VPS13B: variants seen among roughly 807,000 people sequenced by gnomAD.
VPS13B encodes the protein vacuolar protein sorting 13 homolog B, also known as intermembrane lipid transfer protein VPS13B.
Under a neutral mutation model 426.4 loss-of-function variants are expected in VPS13B, and 285 were observed. That is an observed-to-expected ratio of 0.67 (90% CI 0.61 to 0.74). The LOEUF (loss-of-function observed/expected upper bound fraction) is 0.74, where lower values mean the gene tolerates loss of function less well. Ranked by LOEUF, VPS13B falls within the 30% of genes least tolerant of loss-of-function variation. VPS13B has a pLI of 0.00. For synonymous variants in VPS13B, 1,676 were observed against 1,676.4 expected (o/e 1.00, Z 0.01); for missense variants, 4,537 against 4,782.6 (o/e 0.95, Z 1.51).
chr8:99,650,849 AG>A (rs1173741940), intron 34 of VPS13B, among the ~76,000 whole-genome samples: 1 of 152,224 alleles, frequency 6.6e-6, no homozygotes, highest in Non-Finnish European at 1.5e-5. Flanking sequence ...AACCAACCAT[AG>A]ATCAAAAGTA....
chr8:99,271,199 ACTACT>A (rs1818576395), intron 17 of VPS13B, among the ~76,000 whole-genome samples: 2 of 24,902 alleles, frequency 8.0e-5, no homozygotes, highest in Non-Finnish European at 1.2e-4. Flanking sequence ...ACCACTAACT[ACTACT>A]ACTACTACTA....
intron 12 of VPS13B, among the ~76,000 whole-genome samples, 194 bp from the exon 13 acceptor site, chr8:99,142,780 T>C (rs562482432): frequency 1.3e-5 from 2 of 152,358 alleles, no homozygotes; most frequent in East Asian, 3.9e-4. Context: ...TAAATTTTAA[T>C]GAATTGCTTT....
intron 23 of VPS13B, among the ~76,000 whole-genome samples, chr8:99,460,964 G>T (rs557221631): frequency 6.6e-6 from 1 of 152,168 alleles, no homozygotes; most frequent in Non-Finnish European, 1.5e-5. Context: ...AGTTCTTCAA[G>T]CATAAATGCT....
At chr8:99,394,054 GT>G (rs1814601228) in intron 21 of VPS13B, among the ~76,000 whole-genome samples, 1 of 151,756 alleles carries the variant, frequency 6.6e-6, no homozygotes, top group Non-Finnish European at 1.5e-5. Flanking sequence ...TTGGTTGTTG[GT>G]TTTTGTTTGT....
intron 54 of VPS13B, among the ~76,000 whole-genome samples, chr8:99,837,307 C>A (rs1282345726): frequency 1.3e-5 from 2 of 152,122 alleles, no homozygotes; most frequent in African/African-American, 2.4e-5. Context: ...TGCTTTCTAT[C>A]AGCTGTGTTC....
intron 4 of VPS13B, among the ~76,000 whole-genome samples, chr8:99,100,967 C>G (rs960149605): frequency 6.6e-6 from 1 of 151,824 alleles, no homozygotes; most frequent in African/African-American, 2.4e-5. Context: ...TCACTTGAAC[C>G]CGGGAGGCGG....
chr8:99,304,142 ATCTGTC>A (rs997752988), intron 19 of VPS13B, among the ~76,000 whole-genome samples: 1 of 152,138 alleles, frequency 6.6e-6, no homozygotes, highest in Non-Finnish European at 1.5e-5. Flanking sequence ...TAATTATAGT[ATCTGTC>A]TCAGGGTTGT....
At chr8:99,613,243 G>A (rs559493617) in intron 33 of VPS13B, among the ~76,000 whole-genome samples, 3 of 152,220 alleles carry the variant, frequency 2.0e-5, no homozygotes, top group African/African-American at 7.2e-5. Flanking sequence ...TACATTCTTT[G>A]GGCATAAATA....
intron 3 of VPS13B, among the ~76,000 whole-genome samples, chr8:99,057,723 C>A (rs2132287628): frequency 6.6e-6 from 1 of 152,220 alleles, no homozygotes; most frequent in South Asian, 2.1e-4. Context: ...AAATCCTTTC[C>A]TCTTTATGTA....
chr8:99,731,097 G>T (rs1833581162), intron 39 of VPS13B, among the ~76,000 whole-genome samples: 1 of 152,194 alleles, frequency 6.6e-6, no homozygotes, highest in Non-Finnish European at 1.5e-5. Context: ...TTTCTGGGAA[G>T]TGGCAAATCA....
intron 19 of VPS13B, among the ~76,000 whole-genome samples, chr8:99,337,510 T>A (rs1159660114): frequency 6.6e-6 from 1 of 151,588 alleles, no homozygotes; most frequent in Non-Finnish European, 1.5e-5. Context: ...ACTTAAAGTA[T>A]AATAAAAAAG....
At position 99,727,901 on chromosome 8, in the gene VPS13B, G is replaced by A. The variant is rs560005591; in HGVS notation, c.7050+6854G>A. Among the ~76,000 whole-genome samples, 8 of 152,308 alleles carry A rather than the reference G, an allele frequency of 5.3e-5. No individual in the cohort carries two copies. The East Asian group carries it at 9.6e-4, about 18-fold the overall frequency. On this transcript the variant is annotated intron_variant, in intron 39 of 61. Transcript: ENST00000357162. ...GGTGCCTAAGAGTCTGGTTCACCTG[G>A]TAGCTAAATCCCCTTTATGGAAATG...
Position 99,840,277 on chromosome 8 carries a change from C to A in VPS13B, c.9942+4539C>A, listed in dbSNP as rs1271654872. 2.6e-5 allele frequency among the ~76,000 whole-genome samples: 4 copies of A among 152,344 alleles called. No homozygotes were observed. The South Asian group carries it at 8.3e-4, about 32-fold the overall frequency. The stretch of plus-strand genomic sequence containing the variant: ...TTGTGGTCAACCACATCCCCCAGGT[C>A]TTTATCATATGACTTGCTATACAGT... On this transcript the variant is annotated intron_variant, in intron 54 of 61. Coordinates refer to ENST00000357162, the MANE Select transcript of VPS13B (RefSeq NM_152564.5).
At chr8:99,501,922 CCCTCCCTTCCTT>C in intron 26 of VPS13B, 64 bp downstream of exon 26, 1 of 1,411,266 alleles carries the variant, frequency 7.1e-7, no homozygotes, top group Non-Finnish European at 9.7e-7. Flanking sequence ...CTCCCTCCCT[CCCTCCCTTCCTT>C]CCTTCCTTTC....
intron 33 of VPS13B, among the ~76,000 whole-genome samples, chr8:99,632,614 A>G (rs556113745): frequency 6.6e-6 from 1 of 152,098 alleles, no homozygotes; most frequent in African/African-American, 2.4e-5. Context: ...TGGTGTAGTG[A>G]TTATTTTTAT....
At chr8:99,136,508 T>G (rs1219460451) in intron 11 of VPS13B, among the ~76,000 whole-genome samples, 157 bp from the exon 12 acceptor site, 3 of 152,164 alleles carry the variant, frequency 2.0e-5, no homozygotes, top group Non-Finnish European at 4.4e-5. Flanking sequence ...AATATTACCT[T>G]TCTTAGAAGT....
chr8:99,536,143 T>C (rs1408865394), intron 30 of VPS13B, among the ~76,000 whole-genome samples: 1 of 152,038 alleles, frequency 6.6e-6, no homozygotes, highest in African/African-American at 2.4e-5. Flanking sequence ...GAGACAGGGT[T>C]TCACCATATT....
intron 21 of VPS13B, among the ~76,000 whole-genome samples, chr8:99,424,107 A>C: frequency 6.6e-6 from 1 of 152,234 alleles, no homozygotes; most frequent in East Asian, 1.9e-4. Flanking sequence ...TTGGGTGCAT[A>C]TATATTTAGG....
chr8:99,465,227 G>A (rs1819050439), intron 23 of VPS13B, among the ~76,000 whole-genome samples: 1 of 151,664 alleles, frequency 6.6e-6, no homozygotes, highest in South Asian at 2.1e-4. Flanking sequence ...TTTTCATTCT[G>A]GTGTGTGTGT....
Sources: allele counts gnomAD v4.1 joint callset (sites outside exome capture counted in the v4.1 genomes callset), GRCh38; gene constraint gnomAD v4.1.1; transcripts MANE v1.5; gene names NCBI Gene and HGNC (gene_info 2026-07-23, HGNC 2026-07-21).